Variants in ELAVL1 observed in about 807,000 individuals in gnomAD.
ELAVL1 encodes the protein ELAV like RNA binding protein 1, also known as ELAV-like protein 1.
Under a neutral mutation model 28.4 loss-of-function variants are expected in ELAVL1, and 1 was observed. The observed-to-expected ratio is 0.04, with a 90% confidence interval of 0.01 to 0.17. ELAVL1 has a LOEUF of 0.17. ELAVL1 is among the 10% of genes least tolerant of loss of function. The pLI is 1.00. For missense variants in ELAVL1, 157 were observed against 447.2 expected (o/e 0.35, Z 5.85); for synonymous variants, 174 against 183.5 (o/e 0.95, Z 0.42).
Position 7,963,487 on chromosome 19 carries a change from T to C in ELAVL1, c.977A>G (p.Lys326Arg). ...ACAAAAAAAAGCATGAGCGAGTTATTTGTGGGACTTGTTGGTTTTGAAGGA... is the reference window on the plus strand; with the variant it reads ...ACAAAAAAAAGCATGAGCGAGTTATCTGTGGGACTTGTTGGTTTTGAAGGA... ...QVSFKTNKSH[K>R] The change falls in exon 6 of 6, where the codon AAA (lysine) becomes AGA (arginine). Residue 326 changes from lysine to arginine, a missense_variant. Physicochemically the swap from Lys to Arg is conservative, Grantham distance 26 (BLOSUM62 2). Coordinates refer to ENST00000407627, the MANE Select transcript of ELAVL1 (RefSeq NM_001419.3). This position sits in a 1 kb window ranked among gnomAD's most constrained non-coding sequence, Gnocchi z 4.5. 6.2e-7 allele frequency: 1 copy of C among 1,603,798 alleles called. No homozygotes were observed. The highest frequency in any genetic ancestry group is 2.2e-5 in the East Asian group (1 of 44,636).
chr19:7,999,263 C>A (rs2081059357), intron 1 of ELAVL1, among the ~76,000 whole-genome samples: 1 of 152,208 alleles, frequency 6.6e-6, no homozygotes, highest in African/African-American at 2.4e-5. Context: ...GTACCAGCTA[C>A]TCAGGAGGCT....
rs796175593 is a variant in ELAVL1, at chr19:7,996,653, C to CA, written c.-16-4823dup. Among the ~76,000 whole-genome samples the CA allele has an allele frequency of 4.1e-4, 61 of 148,188 alleles. 2 individuals carry two copies. The South Asian group carries it at 7.9e-3, about 19-fold the overall frequency. On this transcript the variant is annotated intron_variant, in intron 1 of 5. Transcript: ENST00000407627. ...AAACCCCATCTCTACAAAAATACAA[C>CA]AAAAAAAAAATTAGCAAGGCGTGGT...
intron 1 of ELAVL1, among the ~76,000 whole-genome samples, chr19:7,995,176 A>C (rs1197722307): frequency 2.0e-5 from 3 of 152,256 alleles, no homozygotes. Context: ...AAAAACAAAC[A>C]AACAGACAAA....
At chr19:7,971,796 C>A (rs1338879485) in intron 4 of ELAVL1, among the ~76,000 whole-genome samples, 1 of 152,214 alleles carries the variant, frequency 6.6e-6, no homozygotes, top group East Asian at 1.9e-4. Flanking sequence ...AGGCCGGCAG[C>A]GGCAGGGCCA....
intron 2 of ELAVL1, among the ~76,000 whole-genome samples, chr19:7,986,530 G>C (rs1163177707): frequency 6.6e-6 from 1 of 152,228 alleles, no homozygotes; most frequent in African/African-American, 2.4e-5. Context: ...GCGGATAGCA[G>C]GGCTGGACAG....
intron 4 of ELAVL1, among the ~76,000 whole-genome samples, chr19:7,969,184 C>T (rs188598096): frequency 6.6e-6 from 1 of 152,312 alleles, no homozygotes; most frequent in East Asian, 1.9e-4. Flanking sequence ...CTGGACAACA[C>T]AGTAAGATCT....
At chr19:7,997,874 C>A (rs748470288) in intron 1 of ELAVL1, among the ~76,000 whole-genome samples, 2 of 152,106 alleles carry the variant, frequency 1.3e-5, no homozygotes, top group Non-Finnish European at 2.9e-5. Flanking sequence ...TCACTAGAGC[C>A]TGGGAGGTCA....
chr19:8,002,873 A>T (rs1568318737), intron 1 of ELAVL1, among the ~76,000 whole-genome samples: 1 of 152,176 alleles, frequency 6.6e-6, no homozygotes. Flanking sequence ...CTCCAAACTA[A>T]GGGCTTCTAG....
intron 3 of ELAVL1, among the ~76,000 whole-genome samples, chr19:7,976,454 G>A (rs1407162594): frequency 6.6e-6 from 1 of 152,160 alleles, no homozygotes; most frequent in African/African-American, 2.4e-5. Flanking sequence ...TAGAAAGGCG[G>A]GAAATGTGGA....
intron 1 of ELAVL1, among the ~76,000 whole-genome samples, chr19:8,000,167 C>T (rs1485731897): frequency 1.3e-5 from 2 of 152,196 alleles, no homozygotes; most frequent in African/African-American, 4.8e-5. Context: ...AGTGATCCTC[C>T]TACCTCAGCC....
chr19:7,991,545 T>C, intron 2 of ELAVL1, 99 bp downstream of exon 2: 1 of 1,235,964 alleles, frequency 8.1e-7, no homozygotes, highest in East Asian at 2.4e-5. Flanking sequence ...GCTGTAGTTA[T>C]CCTGCACTGA....
At chr19:8,002,298 C>A (rs1436178424) in intron 1 of ELAVL1, 23 of 394,850 alleles carry the variant, frequency 5.8e-5, no homozygotes, top group Non-Finnish European at 4.9e-6. Flanking sequence ...ATTCTGGGCT[C>A]TCCTGTGCCC....
chr19:7,988,690 G>A (rs1985669391), intron 2 of ELAVL1, among the ~76,000 whole-genome samples: 1 of 152,260 alleles, frequency 6.6e-6, no homozygotes, highest in Non-Finnish European at 1.5e-5. Context: ...CCACTGGGAT[G>A]TCACTACTGG....
In ELAVL1 at chr19:7,982,256, G is replaced by A. The variant is rs894521560; in HGVS notation, c.173-1070C>T. On this transcript the variant is annotated intron_variant, in intron 2 of 5. Coordinates refer to ENST00000407627, the MANE Select transcript of ELAVL1 (RefSeq NM_001419.3). This position sits in a 1 kb window ranked among gnomAD's most constrained non-coding sequence, Gnocchi z 4.3. Reference sequence around the variant, plus strand: ...GGGAAGTGAGGAGGCACAGGGAAGAGCGCAATCCCCGTCTCCCGCAGCTTA... The same window carrying A: ...GGGAAGTGAGGAGGCACAGGGAAGAACGCAATCCCCGTCTCCCGCAGCTTA... Among the ~76,000 whole-genome samples the A allele has an allele frequency of 2.0e-5, 3 of 152,220 alleles. No homozygotes were observed. The highest frequency in any genetic ancestry group is 4.4e-5 in the Non-Finnish European group (3 of 68,038).
At chr19:8,005,054 GT>G (rs948881336) in intron 1 of ELAVL1, among the ~76,000 whole-genome samples, 21 of 152,150 alleles carry the variant, frequency 1.4e-4, no homozygotes, top group African/African-American at 5.1e-4. Context: ...ACCGGCCGCG[GT>G]GCTCTGACAA....
rs574941616 is a variant in ELAVL1, at chr19:7,979,259, C to T, written c.276+1824G>A. ...CTCTGCCGGCAGAGGGCAGGGCCGC[C>T]GAAGGTGAGGCAGGCTTCTGCATGC... On this transcript the variant is annotated intron_variant, in intron 3 of 5. Transcript: ENST00000407627. This position sits in a 1 kb window ranked among gnomAD's most constrained non-coding sequence, Gnocchi z 5.4. 9.2e-5 allele frequency among the ~76,000 whole-genome samples: 14 copies of T among 152,262 alleles called. No individual in the cohort carries two copies. Among genetic ancestry groups the T allele is most frequent in the South Asian group, 6.2e-4 (3 of 4,824 alleles).
In ELAVL1 at chr19:7,973,771, C is replaced by T; in HGVS notation, c.384G>A (p.Arg128=). The T allele has an allele frequency of 1.9e-6, 3 of 1,614,158 alleles. No homozygotes were observed. The highest frequency in any genetic ancestry group is 2.5e-6 in the Non-Finnish European group (3 of 1,180,026). Residue 128 remains arginine, a synonymous_variant, in exon 4 of 6, where the codon CGG becomes CGA. Coordinates refer to ENST00000407627, the MANE Select transcript of ELAVL1 (RefSeq NM_001419.3). ...CCCGCGAGTTGATGATCCGCCCAAA[C>T]CGAGAGAACATGTCTTCTACGTCCT... ...TQKDVEDMFS[R]FGRIINSRVL...
At chr19:7,977,624 G>A (rs929611891) in intron 3 of ELAVL1, among the ~76,000 whole-genome samples, 2 of 152,178 alleles carry the variant, frequency 1.3e-5, no homozygotes, top group African/African-American at 4.8e-5. Flanking sequence ...GTGGCTGCCT[G>A]GGCTGCTACT....
intron 2 of ELAVL1, 30 bp downstream of exon 2, chr19:7,991,614 C>T (rs1239625719): frequency 3.1e-6 from 5 of 1,594,148 alleles, no homozygotes; most frequent in Admixed American, 1.7e-5. Context: ...CACCAATACC[C>T]GGTTTACTAA....
Sources: allele counts gnomAD v4.1 joint callset (sites outside exome capture counted in the v4.1 genomes callset), GRCh38; gene constraint gnomAD v4.1.1; non-coding constraint Gnocchi (gnomAD v3.1); transcripts MANE v1.5; gene names NCBI Gene and HGNC (gene_info 2026-07-23, HGNC 2026-07-21).